The following GRIK1 variants were observed in gnomAD, a reference collection of about 807,000 sequenced individuals.
GRIK1 encodes glutamate ionotropic receptor kainate type subunit 1.
In GRIK1, 69 loss-of-function variants were observed where a neutral mutation model predicts 105.7. The ratio of observed to expected loss-of-function variants is 0.65; its 90% confidence interval spans 0.54 to 0.80. The LOEUF (loss-of-function observed/expected upper bound fraction) is 0.80, where lower values mean the gene tolerates loss of function less well. Ranked by LOEUF, GRIK1 falls within the 30% of genes least tolerant of loss-of-function variation. The probability of loss-of-function intolerance (pLI) is 0.00; values close to 1 mark genes in which losing one functional copy is unlikely to be tolerated. For synonymous variants in GRIK1, 438 were observed against 431.3 expected, an observed-to-expected ratio of 1.02 and a Z score of -0.19; for missense variants, 1,109 against 1,167.3, an observed-to-expected ratio of 0.95 and a Z score of 0.73.
intron 1 of GRIK1, among the ~76,000 whole-genome samples, chr21:29,781,648 C>T (rs2066103144): frequency 6.9e-6 from 1 of 145,186 alleles, no homozygotes; most frequent in African/African-American, 2.5e-5. Flanking sequence ...TGCACCTAAC[C>T]TACTGTTTCT....
Position 29,771,089 on chromosome 21 carries a change from A to G in GRIK1, c.119-77026T>C, listed in dbSNP as rs2065801278. Among the ~76,000 whole-genome samples the G allele has an allele frequency of 2.0e-5, 3 of 152,366 alleles. No individual in the cohort carries two copies. The South Asian group carries it at 6.2e-4, about 32-fold the overall frequency. The stretch of plus-strand genomic sequence containing the variant: ...ACATGCTTCTACATGTAACTCTATC[A>G]AAATATGCATACAATCATGCCAACA... On this transcript the variant is annotated intron_variant, in intron 1 of 17. Coordinates refer to ENST00000327783, the MANE Select transcript of GRIK1 (RefSeq NM_001330994.2).
chr21:29,577,157 A>G lies in GRIK1; in HGVS notation c.1937T>C (p.Leu646Pro), dbSNP rs2146240324. The change falls in exon 14 of 18, where the codon CTA becomes CCA. Residue 646 changes from leucine (L) to proline (P), a missense_variant. This residue lies in a region of GRIK1 where 264 missense variants were observed against 306.9 expected (regional missense o/e 0.86). Transcript: ENST00000327783. ...QQGSELMPKA[L>P]STRIVGGIWW... ...TATCCCTCCAACTATTCTGGTCGAT[A>G]GAGCTTTGGGCATCAGCTCTGATCC... 1 of 1,608,378 alleles carries G rather than the reference A, an allele frequency of 6.2e-7. No homozygotes were observed. The highest frequency in any genetic ancestry group is 8.5e-7 in the Non-Finnish European group (1 of 1,174,768).
chr21:29,607,963 C>T (rs1001795721), intron 7 of GRIK1, among the ~76,000 whole-genome samples: 5 of 152,078 alleles, frequency 3.3e-5, no homozygotes, highest in East Asian at 1.9e-4. Flanking sequence ...GTTTCTATTA[C>T]GTTTCAGATC....
chr21:29,714,700 G>A (rs1274812474), intron 1 of GRIK1, among the ~76,000 whole-genome samples: 1 of 152,164 alleles, frequency 6.6e-6, no homozygotes, highest in Non-Finnish European at 1.5e-5. Context: ...CATTGCAAGG[G>A]CTGGGGAAAG....
chr21:29,898,827 A>T (rs927629004), intron 1 of GRIK1, among the ~76,000 whole-genome samples: 4 of 152,170 alleles, frequency 2.6e-5, no homozygotes, highest in African/African-American at 9.7e-5. Flanking sequence ...AGTAGATTTT[A>T]TATATTTCAA....
chr21:29,776,973 A>T (rs545810773), intron 1 of GRIK1, among the ~76,000 whole-genome samples: 2 of 152,300 alleles, frequency 1.3e-5, no homozygotes, highest in African/African-American at 4.8e-5. Flanking sequence ...AAATAAAGGG[A>T]TCAAGTATCA....
At chr21:29,922,703 T>C (rs2071230126) in intron 1 of GRIK1, among the ~76,000 whole-genome samples, 1 of 152,214 alleles carries the variant, frequency 6.6e-6, no homozygotes, top group Admixed American at 6.5e-5. Context: ...TTACTTTGCT[T>C]AAAAATGACT....
chr21:29,919,724 T>A (rs531522417), intron 1 of GRIK1, among the ~76,000 whole-genome samples: 4 of 152,276 alleles, frequency 2.6e-5, no homozygotes, highest in African/African-American at 4.8e-5. Context: ...ACCATATTTT[T>A]AAATGACTTC....
intron 13 of GRIK1, among the ~76,000 whole-genome samples, chr21:29,580,009 A>ATATATGTGTATATATG (rs1568843105): frequency 8.0e-5 from 10 of 124,970 alleles, no homozygotes; most frequent in African/African-American, 3.3e-4. Flanking sequence ...ATATATATGT[A>ATATATGTGTATATATG]TATATATGTG....
intron 10 of GRIK1, 131 bp downstream of exon 10, chr21:29,590,981 T>C: frequency 1.4e-6 from 1 of 698,664 alleles, no homozygotes; most frequent in South Asian, 1.7e-5. Flanking sequence ...AAACACAGGC[T>C]TTTAGTGTCC....
At chr21:29,871,200 A>G (rs2146135293) in intron 1 of GRIK1, among the ~76,000 whole-genome samples, 1 of 152,286 alleles carries the variant, frequency 6.6e-6, no homozygotes, top group South Asian at 2.1e-4. Flanking sequence ...ATTGCATCCT[A>G]GTCCTTCGGT....
At chr21:29,595,421 C>T (rs2061394674) in intron 9 of GRIK1, among the ~76,000 whole-genome samples, 1 of 149,458 alleles carries the variant, frequency 6.7e-6, no homozygotes, top group African/African-American at 2.5e-5. Context: ...GAAACCAGAT[C>T]GCCTTCTACA....
At position 29,587,297 on chromosome 21, in the gene GRIK1, G is replaced by C. The variant is rs532185373; in HGVS notation, c.1793+69C>G. On this transcript the variant is annotated intron_variant, in intron 12 of 17. Coordinates refer to ENST00000327783, the MANE Select transcript of GRIK1 (RefSeq NM_001330994.2). ...ACTTTAAAGTTCCTAATTTTTGTCT[G>C]CCTCTGGGACATACAGAAATCTGAG... The C allele has an allele frequency of 3.8e-5, 36 of 949,412 alleles. No homozygotes were observed. In the Admixed American group the frequency reaches 4.9e-4, roughly 13 times the overall value. The allele number at this position is 949,412 out of a possible 1,614,324, so 58.8% of individuals were successfully genotyped here.
intron 1 of GRIK1, among the ~76,000 whole-genome samples, chr21:29,855,513 C>T (rs967586923): frequency 2.0e-5 from 3 of 152,126 alleles, no homozygotes; most frequent in Non-Finnish European, 4.4e-5. Context: ...CATCTTAGAC[C>T]AAGTACAGTA....
At chr21:29,769,263 C>T (rs1003034751) in intron 1 of GRIK1, among the ~76,000 whole-genome samples, 2 of 152,084 alleles carry the variant, frequency 1.3e-5, no homozygotes, top group African/African-American at 4.8e-5. Context: ...AGGATGGGCC[C>T]TAATGCCATA....
At chr21:29,766,449 G>A (rs969188571) in intron 1 of GRIK1, among the ~76,000 whole-genome samples, 19 of 152,096 alleles carry the variant, frequency 1.2e-4, no homozygotes, top group African/African-American at 4.1e-4. Flanking sequence ...CTTCTGTTGA[G>A]GTTGAGGAAT....
At chr21:29,667,115 A>G (rs1403352249) in intron 4 of GRIK1, among the ~76,000 whole-genome samples, 2 of 152,190 alleles carry the variant, frequency 1.3e-5, no homozygotes, top group African/African-American at 2.4e-5. Flanking sequence ...GAAAAAAATG[A>G]TTGACTTATA....
chr21:29,603,152 T>C (rs1370079654), intron 7 of GRIK1, among the ~76,000 whole-genome samples: 1 of 152,062 alleles, frequency 6.6e-6, no homozygotes, highest in African/African-American at 2.4e-5. Context: ...ACCAGTATAA[T>C]TGGCCAAAGC....
intron 1 of GRIK1, among the ~76,000 whole-genome samples, chr21:29,726,019 A>G (rs2146877928): frequency 6.6e-6 from 1 of 152,302 alleles, no homozygotes. Context: ...GTGGAAAGAC[A>G]GATAGTATTC....
Sources: gnomAD v4.1 joint callset for allele counts (sites outside exome capture counted in the v4.1 genomes callset) on GRCh38, gnomAD v4.1.1 for gene constraint, gnomAD v4.1.1 regional missense constraint, MANE v1.5 for transcripts, NCBI Gene and HGNC (gene_info 2026-07-23, HGNC 2026-07-21) for gene names.